Variants in KANK4 observed in about 807,000 individuals in gnomAD.
KANK4 encodes the protein KN motif and ankyrin repeat domains 4.
KANK4 carries 50 observed loss-of-function variants against 80.8 expected under a neutral mutation model. That is an observed-to-expected ratio of 0.62 (90% CI 0.49 to 0.78). The LOEUF (loss-of-function observed/expected upper bound fraction) is 0.78, where lower values mean the gene tolerates loss of function less well. KANK4 is among the 30% of genes least tolerant of loss of function. KANK4 has a pLI of 0.00. For synonymous variants in KANK4, 465 were observed against 506.9 expected (o/e 0.92, Z 1.11); for missense variants, 1,196 against 1,240.1 (o/e 0.96, Z 0.53).
chr1:62,303,902 C>T (rs758427407), intron 1 of KANK4, among the ~76,000 whole-genome samples: 1 of 151,356 alleles, frequency 6.6e-6, no homozygotes, highest in Non-Finnish European at 1.5e-5. Context: ...GAGACAGGCT[C>T]TCATTCTGTC....
rs565940096 is a variant in KANK4 at position 62,279,317 on chromosome 1, T to C, written c.16+2232A>G. On this transcript the variant is annotated intron_variant, in intron 2 of 9. Coordinates refer to ENST00000371153, the MANE Select transcript of KANK4 (RefSeq NM_181712.5). ...TCTCTTTCTCCCAGCACAAGAGGAA[T>C]GCTGGGCTTTGATGAGGGAGTTTGA... Among the ~76,000 whole-genome samples the C allele has an allele frequency of 3.9e-4, 60 of 152,220 alleles. 1 individual carries two copies. Among genetic ancestry groups the C allele is most frequent in the African/African-American group, 1.3e-3 (55 of 41,538 alleles).
At chr1:62,294,438 C>A (rs1325739) in intron 1 of KANK4, among the ~76,000 whole-genome samples, 6,703 of 152,318 alleles carry the variant, frequency 0.044, 470 homozygotes, top group African/African-American at 0.15. Flanking sequence ...CAGCATCATC[C>A]CTGGTCCAGA....
At chr1:62,299,492 G>C (rs1644394323) in intron 1 of KANK4, among the ~76,000 whole-genome samples, 1 of 152,150 alleles carries the variant, frequency 6.6e-6, no homozygotes, top group Admixed American at 6.5e-5. Context: ...TGCAGAGGTA[G>C]AGAATGGGCA....
Position 62,273,403 on chromosome 1 carries a change from G to T in KANK4, c.1701C>A (p.Ile567=). The T allele has an allele frequency of 6.2e-7, 1 of 1,609,206 alleles. No homozygotes were observed. Among genetic ancestry groups the T allele is most frequent in the Non-Finnish European group, 8.5e-7 (1 of 1,176,748 alleles). The change falls in exon 3 of 10, where the codon ATC becomes ATA. Residue 567 remains isoleucine, a synonymous_variant. Coordinates refer to ENST00000371153, the MANE Select transcript of KANK4 (RefSeq NM_181712.5). ...DATIGQYVKK[I]QELLQEQWNC... The stretch of plus-strand genomic sequence containing the variant: ...TCCACTGCTCCTGCAGGAGCTCCTG[G>T]ATCTTCTTCACATACTGCCCAATAG...
At chr1:62,304,261 T>C (rs2149168719) in intron 1 of KANK4, among the ~76,000 whole-genome samples, 1 of 152,140 alleles carries the variant, frequency 6.6e-6, no homozygotes, top group African/African-American at 2.4e-5. Context: ...AACCAAGACG[T>C]TGATCTGAAT....
chr1:62,257,833 G>A (rs1251486541), intron 7 of KANK4, among the ~76,000 whole-genome samples: 1 of 152,068 alleles, frequency 6.6e-6, no homozygotes, highest in Non-Finnish European at 1.5e-5. Flanking sequence ...CTTTAAAGTC[G>A]ATGAGTATTA....
chr1:62,281,493 T>G, intron 2 of KANK4, 56 bp downstream of exon 2: 1 of 1,610,126 alleles, frequency 6.2e-7, no homozygotes. Context: ...TGGCAACAAT[T>G]CTTTCCCAGC....
intron 3 of KANK4, 69 bp downstream of exon 3, chr1:62,273,135 T>C (rs1157591393): frequency 9.0e-7 from 1 of 1,115,896 alleles, no homozygotes; most frequent in Non-Finnish European, 1.3e-6. Flanking sequence ...GAAAACCTTG[T>C]TCCCTCTGCC....
rs1050334 is a variant in KANK4, at chr1:62,237,564, A to G, written c.*713T>C. 6.6e-6 allele frequency: 1 copy of G among 151,980 alleles called. No individual in the cohort carries two copies. Among genetic ancestry groups the G allele is most frequent in the African/African-American group, 2.4e-5 (1 of 41,390 alleles). 9.4% of individuals were successfully genotyped at this position (151,980 alleles called of 1,614,324 possible). On this transcript the variant is annotated 3_prime_UTR_variant, in exon 10 of 10. Transcript: ENST00000371153. ...TCTTTATTACATAGCAACTTACTAG[A>G]TAATAAATTTCTTAATTAATTCCAA...
Position 62,238,336 on chromosome 1 carries a change from T to C in KANK4, c.2929A>G (p.Met977Val), listed in dbSNP as rs1423231009. The C allele has an allele frequency of 6.2e-7, 1 of 1,613,930 alleles. No individual in the cohort carries two copies. The highest frequency in any genetic ancestry group is 1.1e-5 in the South Asian group (1 of 91,070). The change falls in exon 10 of 10, where the codon ATG becomes GTG. Residue 977 changes from methionine to valine, a missense_variant. Transcript: ENST00000371153. ...LSIALKSPTH[M>V]EIAGLLRAHA... Reference sequence around the variant, plus strand: ...GCTCTCAGAAGCCCAGCAATTTCCATATGGGTGGGTGACTTCAGAGCGATG... The same window carrying C: ...GCTCTCAGAAGCCCAGCAATTTCCACATGGGTGGGTGACTTCAGAGCGATG...
At chr1:62,308,731 C>T (rs575602901) in intron 1 of KANK4, among the ~76,000 whole-genome samples, 7 of 152,264 alleles carry the variant, frequency 4.6e-5, no homozygotes, top group Admixed American at 3.9e-4. Context: ...GAGGGAACAC[C>T]GAGGGCACCT....
At chr1:62,247,976 G>A (rs1041815412) in intron 8 of KANK4, among the ~76,000 whole-genome samples, 3 of 151,938 alleles carry the variant, frequency 2.0e-5, no homozygotes, top group Non-Finnish European at 1.5e-5. Context: ...CATTGTTGAC[G>A]GCAGGGACTA....
intron 5 of KANK4, 101 bp from the exon 6 acceptor site, chr1:62,266,920 A>C (rs1466389844): frequency 1.3e-6 from 1 of 751,732 alleles, no homozygotes; most frequent in Non-Finnish European, 2.2e-6. Context: ...GCAGCTCAAA[A>C]ATCCAAACTG....
intron 1 of KANK4, among the ~76,000 whole-genome samples, chr1:62,302,279 T>C (rs564587514): frequency 5.3e-5 from 8 of 151,978 alleles, no homozygotes; most frequent in African/African-American, 1.7e-4. Context: ...TTTGCAGGTC[T>C]GGAGGAAGAA....
rs370832715 is a variant in KANK4 at position 62,273,267 on chromosome 1, C to T, written c.1837G>A (p.Ala613Thr). Residue 613 changes from alanine to threonine, a missense_variant, in exon 3 of 10, where the codon GCC becomes ACC. By Grantham distance (58) the Ala-to-Thr change is moderately conservative. Coordinates refer to ENST00000371153, the MANE Select transcript of KANK4 (RefSeq NM_181712.5). ...GGTGGGTGAGCCTGGGCCGAGTAGG[C>T]CGACAGCAGCAGGTTGAGGGAGCTC... ...LLSSLNLLLS[A>T]YSAQAHPPKE... The T allele has an allele frequency of 6.4e-7, 1 of 1,557,814 alleles. No individual in the cohort carries two copies. Among genetic ancestry groups the T allele is most frequent in the Non-Finnish European group, 8.7e-7 (1 of 1,150,794 alleles).
chr1:62,265,156 T>C (rs1022926234), intron 6 of KANK4, among the ~76,000 whole-genome samples: 1 of 151,860 alleles, frequency 6.6e-6, no homozygotes, highest in African/African-American at 2.4e-5. Flanking sequence ...AATGAAGAGC[T>C]AAGAAAGACC....
intron 9 of KANK4, among the ~76,000 whole-genome samples, chr1:62,244,279 T>G (rs1671415566): frequency 6.6e-6 from 1 of 151,990 alleles, no homozygotes; most frequent in Admixed American, 6.6e-5. Context: ...CACTGTAGCT[T>G]CATCTTCCCG....
chr1:62,291,214 T>G (rs898935933), intron 1 of KANK4, among the ~76,000 whole-genome samples: 1 of 152,264 alleles, frequency 6.6e-6, no homozygotes, highest in Non-Finnish European at 1.5e-5. Flanking sequence ...ATGTGCTTAT[T>G]GGCTTTTGTA....
At chr1:62,317,033 T>C (rs1483908605) in intron 1 of KANK4, among the ~76,000 whole-genome samples, 2 of 151,938 alleles carry the variant, frequency 1.3e-5, no homozygotes, top group Non-Finnish European at 2.9e-5. Flanking sequence ...AGACCAAGGG[T>C]AGTAGTATGT....
Sources: gnomAD v4.1 joint callset for allele counts (sites outside exome capture counted in the v4.1 genomes callset) on GRCh38, gnomAD v4.1.1 for gene constraint, MANE v1.5 for transcripts, NCBI Gene and HGNC (gene_info 2026-07-23, HGNC 2026-07-21) for gene names.